The following SLC12A6 variants were observed in gnomAD, a reference collection of about 807,000 sequenced individuals.
SLC12A6 encodes the protein K-Cl cotransporter 3.
SLC12A6 carries 66 observed loss-of-function variants against 135.3 expected under a neutral mutation model. That is an observed-to-expected ratio of 0.49 (90% confidence interval 0.40 to 0.60). The LOEUF (loss-of-function observed/expected upper bound fraction) is 0.60, where lower values mean the gene tolerates loss of function less well. Among genes scored for constraint, SLC12A6 ranks in the 20% least tolerant of loss-of-function variants. The pLI, the probability that SLC12A6 is intolerant of heterozygous loss-of-function variation, is 0.00. For synonymous variants in SLC12A6, 513 were observed against 508.8 expected (o/e 1.01, Z -0.11); for missense variants, 1,058 against 1,452.3 (o/e 0.73, Z 4.41).
At chr15:34,288,408 G>A (rs183722775) in intron 2 of SLC12A6, among the ~76,000 whole-genome samples, 15 of 152,256 alleles carry the variant, frequency 9.9e-5, no homozygotes, top group East Asian at 7.7e-4. Flanking sequence ...GTTTGAAGTC[G>A]GGTAGCTTGA....
intron 2 of SLC12A6, among the ~76,000 whole-genome samples, chr15:34,332,242 TTC>T (rs1441775387): frequency 1.3e-5 from 2 of 152,248 alleles, no homozygotes; most frequent in African/African-American, 4.8e-5. Flanking sequence ...CGGATGCTTT[TTC>T]TCTGTCTTTA....
chr15:34,237,055 C>T, intron 22 of SLC12A6: 1 of 522,028 alleles, frequency 1.9e-6, no homozygotes, highest in South Asian at 2.1e-5. Flanking sequence ...CCTTGAAACA[C>T]AAAATACAAA....
At chr15:34,323,125 A>C (rs1437161849) in intron 2 of SLC12A6, among the ~76,000 whole-genome samples, 1 of 152,112 alleles carries the variant, frequency 6.6e-6, no homozygotes, top group Non-Finnish European at 1.5e-5. Flanking sequence ...TAAAACATAT[A>C]CTTGACAAAG....
chr15:34,312,984 A>T (rs1337147453), intron 2 of SLC12A6, among the ~76,000 whole-genome samples: 2 of 152,062 alleles, frequency 1.3e-5, no homozygotes, highest in African/African-American at 2.4e-5. Context: ...TGTTCTGACC[A>T]CTCCATCAAC....
At chr15:34,264,077 A>G (rs1269195145) in intron 3 of SLC12A6, among the ~76,000 whole-genome samples, 1 of 152,224 alleles carries the variant, frequency 6.6e-6, no homozygotes, top group Non-Finnish European at 1.5e-5. Context: ...GGTAACCAAT[A>G]ATTAAAAGAA....
chr15:34,332,740 G>A (rs1424428645), intron 2 of SLC12A6, among the ~76,000 whole-genome samples: 2 of 150,852 alleles, frequency 1.3e-5, no homozygotes, highest in East Asian at 3.9e-4. Context: ...CCGAGATAGC[G>A]CCACTGCACT....
At chr15:34,322,110 G>A (rs909321939) in intron 2 of SLC12A6, among the ~76,000 whole-genome samples, 1 of 152,078 alleles carries the variant, frequency 6.6e-6, no homozygotes, top group Non-Finnish European at 1.5e-5. Context: ...CCTTTGCCGG[G>A]CGTGGTGGCT....
At chr15:34,243,215 T>C (rs968054405) in intron 16 of SLC12A6, among the ~76,000 whole-genome samples, 1 of 152,116 alleles carries the variant, frequency 6.6e-6, no homozygotes, top group East Asian at 1.9e-4. Flanking sequence ...CTAACTAACA[T>C]TAAAGCTAGA....
rs1311392117 is a variant in SLC12A6, at chr15:34,245,326, T to C, written c.1902A>G (p.Ile634Met). 1 of 1,611,932 alleles carries C rather than the reference T, an allele frequency of 6.2e-7. No homozygotes were observed. Among genetic ancestry groups the C allele is most frequent in the Admixed American group, 1.7e-5 (1 of 59,984 alleles). The change falls in exon 15 of 26, where the codon ATA becomes ATG. Residue 634 changes from isoleucine (I) to methionine (M), a missense_variant. Around this residue, in one of 6 missense-constraint regions of SLC12A6, gnomAD observed 170 missense variants for 297.6 expected, o/e 0.57. Transcript: ENST00000354181. ...LLTAAIAELGILIASLDLVAP... is the reference protein window; with the variant it reads ...LLTAAIAELGMLIASLDLVAP... ...CCACAAGATCCAGGGAGGCAATGAG[T>C]ATTCCAAGCTCTGCAATGGCAGCAG...
intron 3 of SLC12A6, among the ~76,000 whole-genome samples, chr15:34,267,232 CT>C (rs200515787): frequency 0.013 from 1,790 of 139,450 alleles, 16 homozygotes; most frequent in Middle Eastern, 0.038. Context: ...CCAGTAGTCT[CT>C]TTTTAAAAAA....
chr15:34,271,522 C>T (rs572400206), intron 3 of SLC12A6, among the ~76,000 whole-genome samples: 1 of 151,748 alleles, frequency 6.6e-6, no homozygotes, highest in South Asian at 2.1e-4. Context: ...TCCTTGGATG[C>T]CTGATAAAAC....
intron 2 of SLC12A6, among the ~76,000 whole-genome samples, chr15:34,275,756 A>G (rs1230542163): frequency 6.6e-6 from 1 of 152,244 alleles, no homozygotes; most frequent in Non-Finnish European, 1.5e-5. Context: ...TACACATACA[A>G]TGGAAAATTA....
chr15:34,254,888 C>G (rs77231823), intron 8 of SLC12A6, among the ~76,000 whole-genome samples: 1 of 151,746 alleles, frequency 6.6e-6, no homozygotes, highest in African/African-American at 2.4e-5. Context: ...TAATGATGAT[C>G]TTTAACCCTG....
chr15:34,310,797 TGTGTGTGTGTGTGTGTGTGTG>T (rs1888192308), intron 2 of SLC12A6, among the ~76,000 whole-genome samples: 3 of 129,788 alleles, frequency 2.3e-5, no homozygotes, highest in African/African-American at 8.8e-5. Flanking sequence ...TGTGTGTGTG[TGTGTGTGTGTGTGTGTGTGTG>T]TCCCGTGTCC....
At chr15:34,239,738 TTTACTC>T (rs1267995050) in intron 19 of SLC12A6, among the ~76,000 whole-genome samples, 2 of 58,078 alleles carry the variant, frequency 3.4e-5, no homozygotes, top group African/African-American at 5.6e-5. Flanking sequence ...TATCATCTCA[TTTACTC>T]TTACTCCACC....
intron 2 of SLC12A6, among the ~76,000 whole-genome samples, chr15:34,301,165 C>T (rs1212325165): frequency 1.3e-5 from 2 of 152,040 alleles, no homozygotes; most frequent in African/African-American, 2.4e-5. Context: ...GACAGGGTTT[C>T]ACCATGTCGG....
At chr15:34,303,296 C>T (rs1453253079) in intron 2 of SLC12A6, among the ~76,000 whole-genome samples, 2 of 152,046 alleles carry the variant, frequency 1.3e-5, no homozygotes, top group Non-Finnish European at 2.9e-5. Context: ...AGTTTTAAAC[C>T]CAGACATTAA....
chr15:34,252,327 C>T lies in SLC12A6; in HGVS notation c.1176G>A (p.Lys392=). 1 of 1,613,262 alleles carries T rather than the reference C, an allele frequency of 6.2e-7. No individual in the cohort carries two copies. Among genetic ancestry groups the T allele is most frequent in the Non-Finnish European group, 8.5e-7 (1 of 1,179,472 alleles). ...LSSRHIDVCS[K]TKEINNMTVP... ...CTGTCATGTTGTTAATTTCCTTGGTCTTAGAGCAAACGTCAATGTGTCTTG... is the reference window on the plus strand; with the variant it reads ...CTGTCATGTTGTTAATTTCCTTGGTTTTAGAGCAAACGTCAATGTGTCTTG... The change falls in exon 10 of 26, where the codon AAG becomes AAA. Residue 392 remains lysine (K), a synonymous_variant. Coordinates refer to ENST00000354181, the MANE Select transcript of SLC12A6 (RefSeq NM_001365088.1).
intron 21 of SLC12A6, 33 bp downstream of exon 21, chr15:34,238,199 A>G: frequency 6.7e-7 from 1 of 1,501,730 alleles, no homozygotes; most frequent in Non-Finnish European, 9.3e-7. Context: ...GAAGGGAGAA[A>G]GACTTTTGTA....
Sources: gnomAD v4.1 joint callset for allele counts (sites outside exome capture counted in the v4.1 genomes callset) on GRCh38, gnomAD v4.1.1 for gene constraint, gnomAD v4.1.1 regional missense constraint, MANE v1.5 for transcripts, NCBI Gene and HGNC (gene_info 2026-07-23, HGNC 2026-07-21) for gene names.